Variants in PIAS1 observed in about 807,000 individuals in gnomAD.
PIAS1 encodes the protein protein inhibitor of activated STAT 1, also known as E3 SUMO-protein ligase PIAS1.
In PIAS1, 6 loss-of-function variants were observed where a neutral mutation model predicts 71.3. That is an observed-to-expected ratio of 0.08 (90% CI 0.05 to 0.17). The LOEUF (loss-of-function observed/expected upper bound fraction) is 0.17. Ranked by LOEUF, PIAS1 falls within the 10% of genes least tolerant of loss-of-function variation. The probability of loss-of-function intolerance (pLI) is 1.00; values close to 1 mark genes in which losing one functional copy is unlikely to be tolerated. For missense variants in PIAS1, 555 were observed against 793.6 expected (o/e 0.70, Z 3.61); for synonymous variants, 303 against 292.9 (o/e 1.03, Z -0.35).
intron 2 of PIAS1, among the ~76,000 whole-genome samples, chr15:68,129,939 A>T (rs957223485): frequency 3.3e-5 from 5 of 151,868 alleles, no homozygotes; most frequent in African/African-American, 1.2e-4. Context: ...CAGCTAGATT[A>T]TGGGGTAGAC....
At chr15:68,155,449 TAAAAAA>T (rs71937461) in intron 7 of PIAS1, among the ~76,000 whole-genome samples, 2 of 103,324 alleles carry the variant, frequency 1.9e-5, no homozygotes, top group Non-Finnish European at 3.7e-5. Context: ...ATGCTGCCTG[TAAAAAA>T]AAAAAAAAAA....
chr15:68,055,972 GGA>G lies in PIAS1; in HGVS notation c.24+1626_24+1627del, dbSNP rs532619888. The G allele has an allele frequency of 2.4e-4, 165 of 694,250 alleles. No individual in the cohort carries two copies. In the East Asian group the frequency reaches 3.8e-3, roughly 16 times the overall value. The allele number at this position is 694,250 out of a possible 1,614,324, so 43.0% of individuals were successfully genotyped here. A position where few individuals can be genotyped will look rare whatever the true frequency, so the allele number is the denominator to read the frequency against. On this transcript the variant is annotated intron_variant, in intron 1 of 13. Coordinates refer to ENST00000249636, the MANE Select transcript of PIAS1 (RefSeq NM_016166.3). Reference sequence around the variant, plus strand: ...ACTTCTAATTACAAATTTACTGAAGGGAGAGCAGATTTACAATGGATGGTTTT... The same window carrying G: ...ACTTCTAATTACAAATTTACTGAAGGGAGCAGATTTACAATGGATGGTTTT...
intron 8 of PIAS1, among the ~76,000 whole-genome samples, chr15:68,165,543 G>T (rs2092952503): frequency 6.6e-6 from 1 of 152,092 alleles, no homozygotes; most frequent in Non-Finnish European, 1.5e-5. Flanking sequence ...AAAAACTTCT[G>T]TTCAGCCTAA....
chr15:68,122,817 CTATTTTTTCA>C (rs2092622643), intron 2 of PIAS1, among the ~76,000 whole-genome samples: 1 of 152,088 alleles, frequency 6.6e-6, no homozygotes, highest in South Asian at 2.1e-4. Context: ...GTAATAGTCA[CTATTTTTTCA>C]AAACTTAGCA....
intron 1 of PIAS1, among the ~76,000 whole-genome samples, chr15:68,065,429 A>G (rs937167779): frequency 1.3e-5 from 2 of 151,850 alleles, no homozygotes; most frequent in African/African-American, 4.8e-5. Context: ...ATCTCTACCA[A>G]AAATACAAAA....
intron 7 of PIAS1, among the ~76,000 whole-genome samples, chr15:68,158,664 A>T (rs1287305893): frequency 4.7e-4 from 72 of 152,154 alleles, no homozygotes; most frequent in Non-Finnish European, 1.5e-5. Flanking sequence ...ACAGCTACAG[A>T]AAAAAATCAG....
Position 68,190,898 on chromosome 15 carries a change from G to A in PIAS1, c.*3063G>A, listed in dbSNP as rs967557785. ...AGATTCACGTAAGCTCTGAAAAATC[G>A]GATTCTTTGGCAGATTTTCCTTTGA... On this transcript the variant is annotated 3_prime_UTR_variant, in exon 14 of 14. Transcript: ENST00000249636. This position sits in a 1 kb window ranked among gnomAD's most constrained non-coding sequence, Gnocchi z 4.7. 3.9e-5 allele frequency: 6 copies of A among 152,084 alleles called. No individual in the cohort carries two copies. The highest frequency in any genetic ancestry group is 9.7e-5 in the African/African-American group (4 of 41,406). 9.4% of individuals were successfully genotyped at this position (152,084 alleles called of 1,614,324 possible).
chr15:68,177,278 CAAAAAAAAAAAA>C (rs3083984), intron 11 of PIAS1, among the ~76,000 whole-genome samples: 1 of 90,874 alleles, frequency 1.1e-5, no homozygotes, highest in Non-Finnish European at 2.1e-5. Flanking sequence ...GACTTTGTCT[CAAAAAAAAAAAA>C]AAAAAAAGAA....
In PIAS1 at chr15:68,136,060, C is replaced by T. The variant is rs1414112812; in HGVS notation, c.470-5886C>T. 8.9e-5 allele frequency among the ~76,000 whole-genome samples: 5 copies of T among 56,194 alleles called. 1 individual carries two copies. The highest frequency in any genetic ancestry group is 2.0e-4 in the Non-Finnish European group (3 of 14,682). The allele number at this position is 56,194 out of a possible 152,430, so 36.9% of individuals were successfully genotyped here. A position where few individuals can be genotyped will look rare whatever the true frequency, so the allele number is the denominator to read the frequency against. ...AGATGGGATGGCGGCCGGGCAGAGA[C>T]GCTCCTCACTTCCCAGACGGGATGG... On this transcript the variant is annotated intron_variant, in intron 2 of 13. Transcript: ENST00000249636.
chr15:68,095,449 T>C (rs1454785518), intron 2 of PIAS1, among the ~76,000 whole-genome samples: 1 of 151,878 alleles, frequency 6.6e-6, no homozygotes, highest in Non-Finnish European at 1.5e-5. Flanking sequence ...ATTTTGGCGA[T>C]CATTTCTTTC....
chr15:68,104,324 CTTTG>C (rs2092452126), intron 2 of PIAS1, among the ~76,000 whole-genome samples: 2 of 152,018 alleles, frequency 1.3e-5, no homozygotes, highest in South Asian at 4.1e-4. Flanking sequence ...ATGAATTATA[CTTTG>C]TTTCTCTTTT....
At chr15:68,150,771 G>T (rs544773216) in intron 6 of PIAS1, among the ~76,000 whole-genome samples, 1 of 152,076 alleles carries the variant, frequency 6.6e-6, no homozygotes, top group Non-Finnish European at 1.5e-5. Context: ...TTCAAAACAG[G>T]ATGCTCAAAG....
At chr15:68,065,034 T>G (rs1248884330) in intron 1 of PIAS1, among the ~76,000 whole-genome samples, 2 of 152,096 alleles carry the variant, frequency 1.3e-5, no homozygotes, top group Non-Finnish European at 2.9e-5. Flanking sequence ...TGAGACACCA[T>G]GCCCAGCTAT....
Position 68,054,415 on chromosome 15 carries a change from G to A in PIAS1, c.24+65G>A. The A allele has an allele frequency of 6.6e-7, 1 of 1,516,908 alleles. No homozygotes were observed. The highest frequency in any genetic ancestry group is 8.9e-7 in the Non-Finnish European group (1 of 1,117,390). The allele number at this position is 1,516,908 out of a possible 1,614,324, so 94.0% of individuals were successfully genotyped here. On this transcript the variant is annotated intron_variant, in intron 1 of 13. Coordinates refer to ENST00000249636, the MANE Select transcript of PIAS1 (RefSeq NM_016166.3). This position sits in a 1 kb window ranked among gnomAD's most constrained non-coding sequence, Gnocchi z 4.6. ...GGAGACGGCGCCGCTGCTGCCAGGGGGGATGGGTCCGACCCTGGGGGGCCT... is the reference window on the plus strand; with the variant it reads ...GGAGACGGCGCCGCTGCTGCCAGGGAGGATGGGTCCGACCCTGGGGGGCCT...
intron 1 of PIAS1, among the ~76,000 whole-genome samples, chr15:68,080,185 A>G (rs1030639755): frequency 5.3e-5 from 8 of 152,162 alleles, no homozygotes; most frequent in Admixed American, 1.3e-4. Flanking sequence ...TTTTTGAAGG[A>G]TAGAAGTTTC....
chr15:68,179,606 A>G (rs1488991147), intron 11 of PIAS1, among the ~76,000 whole-genome samples: 2 of 58,350 alleles, frequency 3.4e-5, no homozygotes, highest in Non-Finnish European at 6.5e-5. Context: ...ACAGAGTTTC[A>G]CTCTTATCTC....
intron 2 of PIAS1, among the ~76,000 whole-genome samples, chr15:68,128,898 T>C (rs2092670500): frequency 6.6e-6 from 1 of 152,146 alleles, no homozygotes; most frequent in Non-Finnish European, 1.5e-5. Flanking sequence ...AGATAAACAT[T>C]GATAATGAAA....
chr15:68,131,475 C>G (rs1040856391), intron 2 of PIAS1, among the ~76,000 whole-genome samples: 6 of 5,684 alleles, frequency 1.1e-3, no homozygotes, highest in African/African-American at 4.5e-3. Context: ...GCAATAAGAT[C>G]TTATTAAAAA....
chr15:68,153,742 G>A (rs1239404028), intron 7 of PIAS1, 47 bp downstream of exon 7: 2 of 967,980 alleles, frequency 2.1e-6, no homozygotes, highest in East Asian at 2.4e-5. Flanking sequence ...TTTGTTAAAG[G>A]TTAGAGTAGT....
Sources: gnomAD v4.1 joint callset for allele counts (sites outside exome capture counted in the v4.1 genomes callset) on GRCh38, gnomAD v4.1.1 for gene constraint, Gnocchi (gnomAD v3.1) non-coding constraint, MANE v1.5 for transcripts, NCBI Gene and HGNC (gene_info 2026-07-23, HGNC 2026-07-21) for gene names.